BAZ2B: variants seen among roughly 807,000 people sequenced by gnomAD.
BAZ2B encodes the protein bromodomain adjacent to zinc finger domain 2B.
A neutral mutation model predicts 246.0 loss-of-function variants in BAZ2B; 91 were observed. That is an observed-to-expected ratio of 0.37 (90% CI 0.31 to 0.44). The LOEUF is 0.44. Among genes scored for constraint, BAZ2B ranks in the 20% least tolerant of loss-of-function variants. The probability of loss-of-function intolerance (pLI) is 1.00; values close to 1 mark genes in which losing one functional copy is unlikely to be tolerated. For synonymous variants in BAZ2B, 855 were observed against 860.0 expected, an observed-to-expected ratio of 0.99 and a Z score of 0.10; for missense variants, 2,332 against 2,533.7, an observed-to-expected ratio of 0.92 and a Z score of 1.71.
chr2:159,363,165 G>A (rs927309325), intron 27 of BAZ2B, among the ~76,000 whole-genome samples: 2 of 152,168 alleles, frequency 1.3e-5, no homozygotes, highest in African/African-American at 4.8e-5. Flanking sequence ...AGCAGTCTGG[G>A]TTGACTAATA....
chr2:159,347,139 T>G (rs2068005069), intron 31 of BAZ2B, among the ~76,000 whole-genome samples: 1 of 152,194 alleles, frequency 6.6e-6, no homozygotes, highest in African/African-American at 2.4e-5. Flanking sequence ...ATCATCACAT[T>G]CATCTCAGTG....
At position 159,412,317 on chromosome 2, in the gene BAZ2B, A is replaced by T. The variant is rs2066954375; in HGVS notation, c.2677+18T>A. 7.5e-6 allele frequency: 12 copies of T among 1,610,238 alleles called. No homozygotes were observed. Among genetic ancestry groups the T allele is most frequent in the Non-Finnish European group, 9.3e-6 (11 of 1,176,554 alleles). On this transcript the variant is annotated intron_variant, in intron 14 of 36. Transcript: ENST00000392783. ...TTTTTAGTATGATTATTAGTGTCAG[A>T]CACATTATGTTTCTTACCTTGAGCT...
the BAZ2B span, chr2:159,689,999 T>G: frequency 2.5e-6 from 1 of 399,186 alleles, no homozygotes; most frequent in Non-Finnish European, 4.6e-6. Flanking sequence ...AGAACACATT[T>G]TGTTACAAGT....
chr2:159,514,481 C>T lies in BAZ2B; in HGVS notation c.-2-35760G>A, dbSNP rs140689976. 2.2e-3 allele frequency among the ~76,000 whole-genome samples: 328 copies of T among 152,184 alleles called. 1 individual carries two copies. In the Middle Eastern group the frequency reaches 0.054, roughly 25 times the overall value. On this transcript the variant is annotated intron_variant, in intron 2 of 36. Transcript: ENST00000392783. ...CTATTGCCTGTAATTCCTTAAAGTG[C>T]CTGATACTTAGGCATTCCATAATAT...
At chr2:159,706,708 A>C in the BAZ2B span, among the ~76,000 whole-genome samples, 1 of 152,210 alleles carries the variant, frequency 6.6e-6, no homozygotes, top group Non-Finnish European at 1.5e-5. Flanking sequence ...CAACTACTAA[A>C]CTGTTCTCAT....
intron 1 of BAZ2B, among the ~76,000 whole-genome samples, chr2:159,604,849 A>C (rs890096): frequency 0.31 from 47,562 of 152,150 alleles, 9,378 homozygotes; most frequent in Admixed American, 0.48. Context: ...AATAACTATA[A>C]AAAGTTTGGT....
chr2:159,454,795 A>C (rs1186793739), intron 3 of BAZ2B, among the ~76,000 whole-genome samples: 1 of 152,194 alleles, frequency 6.6e-6, no homozygotes, highest in East Asian at 1.9e-4. Context: ...ACCAATATAA[A>C]AATCATTTTT....
intron 1 of BAZ2B, among the ~76,000 whole-genome samples, chr2:159,582,547 A>G (rs1217581541): frequency 6.6e-6 from 1 of 152,080 alleles, no homozygotes; most frequent in African/African-American, 2.4e-5. Context: ...CAACGTCTAA[A>G]TAATTTTTGT....
intron 3 of BAZ2B, among the ~76,000 whole-genome samples, chr2:159,474,812 T>A (rs1443574965): frequency 6.6e-6 from 1 of 152,230 alleles, no homozygotes; most frequent in African/African-American, 2.4e-5. Context: ...CCTTCGCTGT[T>A]GAAGCTCAGT....
intron 1 of BAZ2B, among the ~76,000 whole-genome samples, chr2:159,596,803 C>T (rs954978266): frequency 6.6e-6 from 1 of 152,188 alleles, no homozygotes; most frequent in African/African-American, 2.4e-5. Context: ...TCCCATTCCT[C>T]GGTTACTTCA....
chr2:159,318,531 G>A (rs1249590380), downstream of BAZ2B, among the ~76,000 whole-genome samples: 2 of 152,218 alleles, frequency 1.3e-5, no homozygotes, highest in Non-Finnish European at 2.9e-5. Flanking sequence ...CTCCATGAAG[G>A]CAAGGCCTGT....
At chr2:159,489,947 C>T (rs1261849919) in intron 2 of BAZ2B, among the ~76,000 whole-genome samples, 2 of 152,050 alleles carry the variant, frequency 1.3e-5, no homozygotes, top group African/African-American at 4.8e-5. Flanking sequence ...CAGAAATGAA[C>T]AAAATGGACA....
chr2:159,674,652 G>C, the BAZ2B span, among the ~76,000 whole-genome samples: 13 of 151,632 alleles, frequency 8.6e-5, no homozygotes, highest in Admixed American at 8.5e-4. Context: ...GGAGGCAGAG[G>C]TTGCAGTGAG....
chr2:159,342,900 C>G (rs1451208265), intron 31 of BAZ2B, among the ~76,000 whole-genome samples: 1 of 151,958 alleles, frequency 6.6e-6, no homozygotes, highest in East Asian at 1.9e-4. Context: ...ATATTCTTCA[C>G]AGAAATAAAG....
chr2:159,505,542 A>C (rs1168954218), intron 2 of BAZ2B, among the ~76,000 whole-genome samples: 1 of 152,200 alleles, frequency 6.6e-6, no homozygotes, highest in Non-Finnish European at 1.5e-5. Context: ...GAAAATAATA[A>C]CTAACATTCA....
chr2:159,674,033 T>A, the BAZ2B span, among the ~76,000 whole-genome samples: 3 of 3,492 alleles, frequency 8.6e-4, no homozygotes, highest in Non-Finnish European at 1.9e-3. Context: ...CATAATTAAT[T>A]TTTTTTTTTA....
intron 2 of BAZ2B, among the ~76,000 whole-genome samples, chr2:159,528,124 T>G (rs1406447673): frequency 6.6e-6 from 1 of 152,082 alleles, no homozygotes; most frequent in Non-Finnish European, 1.5e-5. Context: ...TCTGTAGTGG[T>G]TGGAAGCTAA....
At chr2:159,456,674 C>T (rs997404289) in intron 3 of BAZ2B, among the ~76,000 whole-genome samples, 1 of 152,148 alleles carries the variant, frequency 6.6e-6, no homozygotes, top group African/African-American at 2.4e-5. Flanking sequence ...TACTTCAACT[C>T]TACTTCCTAA....
At chr2:159,324,673 CA>C in intron 36 of BAZ2B, 137 bp downstream of exon 36, 15 of 214,658 alleles carry the variant, frequency 7.0e-5, no homozygotes, top group Admixed American at 1.2e-4. Flanking sequence ...CACACACACA[CA>C]CACACACACA....
Sources: allele counts gnomAD v4.1 joint callset (sites outside exome capture counted in the v4.1 genomes callset), GRCh38; gene constraint gnomAD v4.1.1; transcripts MANE v1.5; gene names NCBI Gene and HGNC (gene_info 2026-07-23, HGNC 2026-07-21).